DTNB: variants seen among roughly 807,000 people sequenced by gnomAD.
DTNB encodes dystrobrevin beta, also known as DTN-B.
A neutral mutation model predicts 90.7 loss-of-function variants in DTNB; 63 were observed. The observed-to-expected ratio is 0.69, with a 90% CI of 0.57 to 0.86. DTNB has a LOEUF of 0.86. Ranked by LOEUF, DTNB falls within the 40% of genes least tolerant of loss-of-function variation. The pLI, the probability that DTNB is intolerant of heterozygous loss-of-function variation, is 0.00. For missense variants in DTNB, 744 were observed against 807.1 expected, an observed-to-expected ratio of 0.92 and a Z score of 0.95; for synonymous variants, 277 against 286.7, an observed-to-expected ratio of 0.97 and a Z score of 0.34.
At chr2:25,548,892 A>G (rs2083008904) in intron 8 of DTNB, among the ~76,000 whole-genome samples, 1 of 152,220 alleles carries the variant, frequency 6.6e-6, no homozygotes, top group Admixed American at 6.5e-5. Context: ...ATATGTTTAC[A>G]TACACATAAA....
intron 4 of DTNB, among the ~76,000 whole-genome samples, chr2:25,610,189 C>T (rs2068219365): frequency 6.6e-6 from 1 of 152,194 alleles, no homozygotes; most frequent in South Asian, 2.1e-4. Context: ...CAGCACACTG[C>T]AGCCTCAACC....
chr2:25,379,910 G>A (rs1030376349), intron 19 of DTNB: 1 of 152,534 alleles, frequency 6.6e-6, no homozygotes, highest in Non-Finnish European at 1.5e-5. Flanking sequence ...GGCTGTGGAG[G>A]GTGGAGATGA....
At chr2:25,458,958 C>G (rs1340458925) in intron 10 of DTNB, among the ~76,000 whole-genome samples, 1 of 151,654 alleles carries the variant, frequency 6.6e-6, no homozygotes, top group African/African-American at 2.4e-5. Flanking sequence ...ATTTTTAAAT[C>G]TTTTGTAGAG....
At chr2:25,423,037 A>G (rs1362384374) in intron 15 of DTNB, among the ~76,000 whole-genome samples, 1 of 152,166 alleles carries the variant, frequency 6.6e-6, no homozygotes, top group Non-Finnish European at 1.5e-5. Flanking sequence ...TAAAAATACA[A>G]AAATCAGCTG....
chr2:25,550,883 C>T (rs2083505635), intron 8 of DTNB, among the ~76,000 whole-genome samples: 1 of 152,202 alleles, frequency 6.6e-6, no homozygotes, highest in South Asian at 2.1e-4. Context: ...CTCCTGAATT[C>T]AAGCAATCTG....
At chr2:25,619,898 G>C (rs1363283652) in intron 4 of DTNB, among the ~76,000 whole-genome samples, 1 of 152,064 alleles carries the variant, frequency 6.6e-6, no homozygotes, top group Non-Finnish European at 1.5e-5. Flanking sequence ...AAATTAGCCA[G>C]GCGTGGTGGT....
intron 1 of DTNB, among the ~76,000 whole-genome samples, chr2:25,671,727 G>T (rs1255755418): frequency 6.6e-6 from 1 of 152,142 alleles, no homozygotes; most frequent in East Asian, 1.9e-4. Context: ...CCCTTTCAAA[G>T]GCAATTCCAC....
chr2:25,450,005 G>A lies in DTNB; in HGVS notation c.1257+1543C>T, dbSNP rs1236451836. ...TCTCGATCTCCTGACCTTGTGACCC[G>A]CCTGCCTTGAATAGTATCTTCTAAT... On this transcript the variant is annotated intron_variant, in intron 12 of 20. Transcript: ENST00000406818. Among the ~76,000 whole-genome samples, 8 of 152,114 alleles carry A rather than the reference G, an allele frequency of 5.3e-5. No homozygotes were observed. The East Asian group carries it at 1.2e-3, about 22-fold the overall frequency.
intron 6 of DTNB, among the ~76,000 whole-genome samples, chr2:25,591,710 C>T (rs997498863): frequency 2.0e-5 from 3 of 152,078 alleles, no homozygotes; most frequent in African/African-American, 7.2e-5. Context: ...TTTGCAAGGA[C>T]AATTTTTCTA....
At chr2:25,488,186 T>C (rs989356216) in intron 9 of DTNB, among the ~76,000 whole-genome samples, 1 of 151,956 alleles carries the variant, frequency 6.6e-6, no homozygotes, top group Non-Finnish European at 1.5e-5. Flanking sequence ...AGGTAAGAGG[T>C]TATGGCAGTT....
At chr2:25,644,931 A>T (rs2079107461) in intron 2 of DTNB, among the ~76,000 whole-genome samples, 1 of 152,196 alleles carries the variant, frequency 6.6e-6, no homozygotes, top group Non-Finnish European at 1.5e-5. Context: ...AAGACCACTG[A>T]ATACTGTAAG....
At chr2:25,468,590 T>C (rs1200555645) in intron 10 of DTNB, among the ~76,000 whole-genome samples, 2 of 152,172 alleles carry the variant, frequency 1.3e-5, no homozygotes, top group African/African-American at 2.4e-5. Context: ...CACGAGTTTA[T>C]AAAGCCAAGT....
chr2:25,558,125 G>A, intron 8 of DTNB: 3 of 880,554 alleles, frequency 3.4e-6, no homozygotes, highest in Non-Finnish European at 4.1e-6. Flanking sequence ...GGCTTAATGA[G>A]TAATTAACAT....
At chr2:25,581,508 T>C (rs1460332254) in intron 6 of DTNB, among the ~76,000 whole-genome samples, 1 of 152,234 alleles carries the variant, frequency 6.6e-6, no homozygotes, top group Non-Finnish European at 1.5e-5. Flanking sequence ...ACCATCTCCC[T>C]AGCTAGACTG....
At chr2:25,402,749 A>T (rs575864169) in intron 16 of DTNB, among the ~76,000 whole-genome samples, 1 of 152,292 alleles carries the variant, frequency 6.6e-6, no homozygotes, top group African/African-American at 2.4e-5. Context: ...GTAAGACAGG[A>T]AGCAGCTATT....
At chr2:25,602,025 G>T (rs993831673) in intron 5 of DTNB, among the ~76,000 whole-genome samples, 9 of 152,072 alleles carry the variant, frequency 5.9e-5, no homozygotes, top group Non-Finnish European at 1.2e-4. Context: ...GGGAAGCTGA[G>T]GCAGGAGAAT....
At chr2:25,386,763 G>A (rs893777249) in intron 18 of DTNB, among the ~76,000 whole-genome samples, 1 of 152,200 alleles carries the variant, frequency 6.6e-6, no homozygotes, top group Non-Finnish European at 1.5e-5. Flanking sequence ...AGCAGAAGAG[G>A]CGACAGACTC....
At chr2:25,433,089 T>C in intron 13 of DTNB, 90 bp from the exon 14 acceptor site, 1 of 1,265,322 alleles carries the variant, frequency 7.9e-7, no homozygotes, top group Non-Finnish European at 1.1e-6. Context: ...ACTCTAGCAG[T>C]GCCTCCTCTA....
Position 25,451,807 on chromosome 2 carries a change from G to A in DTNB, c.1170-172C>T, listed in dbSNP as rs569091042. Among the ~76,000 whole-genome samples the A allele has an allele frequency of 3.3e-5, 5 of 152,346 alleles. No individual in the cohort carries two copies. The East Asian group carries it at 9.6e-4, about 29-fold the overall frequency. ...TGAAAAAAAGGGGATTTAGAGAAAT[G>A]AGGAGGCCACATTTGTCATTCCTCA... is the stretch of plus-strand genomic sequence containing the variant. On this transcript the variant is annotated intron_variant, in intron 11 of 20. Coordinates refer to ENST00000406818, the MANE Select transcript of DTNB (RefSeq NM_021907.5).
Sources: gnomAD v4.1 joint callset for allele counts (sites outside exome capture counted in the v4.1 genomes callset) on GRCh38, gnomAD v4.1.1 for gene constraint, MANE v1.5 for transcripts, NCBI Gene and HGNC (gene_info 2026-07-23, HGNC 2026-07-21) for gene names.